Variants in ADCY7 observed in about 807,000 individuals in gnomAD.
The protein encoded by ADCY7 is adenylate cyclase 7, also known as adenylate cyclase type 7.
ADCY7 carries 72 observed loss-of-function variants against 120.6 expected under a neutral mutation model. The observed-to-expected ratio is 0.60, with a 90% confidence interval of 0.49 to 0.73. The LOEUF is 0.73. Ranked by LOEUF, ADCY7 falls within the 30% of genes least tolerant of loss-of-function variation. The pLI is 0.00. For synonymous variants in ADCY7, 661 were observed against 628.0 expected, an observed-to-expected ratio of 1.05 and a Z score of -0.78; for missense variants, 1,227 against 1,486.0, an observed-to-expected ratio of 0.83 and a Z score of 2.87.
intron 1 of ADCY7, among the ~76,000 whole-genome samples, chr16:50,252,979 T>G (rs1323650711): frequency 6.6e-6 from 1 of 152,200 alleles, no homozygotes; most frequent in Non-Finnish European, 1.5e-5. Context: ...GCATTACAAC[T>G]TTCTTTATTG....
chr16:50,262,818 GCAGAAAC>G (rs776789803), upstream of ADCY7, among the ~76,000 whole-genome samples: 74 of 152,366 alleles, frequency 4.9e-4, no homozygotes, highest in Admixed American at 2.1e-3. Context: ...CCTCTACCAA[GCAGAAAC>G]CAGCCTTCCC....
At chr16:50,277,244 C>T (rs2033953242) in intron 1 of ADCY7, among the ~76,000 whole-genome samples, 1 of 152,168 alleles carries the variant, frequency 6.6e-6, no homozygotes, top group South Asian at 2.1e-4. Flanking sequence ...TTTGTTATTA[C>T]AAATAATGCT....
At chr16:50,296,077 G>A (rs531901295) in intron 7 of ADCY7, among the ~76,000 whole-genome samples, 1 of 152,218 alleles carries the variant, frequency 6.6e-6, no homozygotes, top group African/African-American at 2.4e-5. Flanking sequence ...TTTTGAGACA[G>A]AGTCTTGCTC....
At chr16:50,304,012 G>A (rs142453663) in intron 10 of ADCY7, among the ~76,000 whole-genome samples, 1 of 152,028 alleles carries the variant, frequency 6.6e-6, no homozygotes, top group Non-Finnish European at 1.5e-5. Context: ...GTGGGGCCTC[G>A]GGCTTGGGAC....
intron 24 of ADCY7, 46 bp from the exon 25 acceptor site, chr16:50,314,968 T>G (rs745600267): frequency 2.5e-6 from 4 of 1,609,708 alleles, no homozygotes; most frequent in Middle Eastern, 1.7e-4. Flanking sequence ...GGCAGAAGCT[T>G]GAGGCTTTGC....
chr16:50,247,076 A>C lies in ADCY7; in HGVS notation c.-64+873A>C, dbSNP rs147121348. On this transcript the variant is annotated intron_variant, in intron 1 of 4. Transcript: ENST00000564044. ...GAATGAATGAATGAATGAATGAATG[A>C]ATGCATGACCAACAGGACTGTAGTG... Among the ~76,000 whole-genome samples, 378 of 152,286 alleles carry C rather than the reference A, an allele frequency of 2.5e-3. 1 individual carries two copies. Among genetic ancestry groups the C allele is most frequent in the African/African-American group, 8.5e-3 (355 of 41,526 alleles).
At chr16:50,281,925 C>A (rs559207017) in intron 1 of ADCY7, among the ~76,000 whole-genome samples, 6 of 152,336 alleles carry the variant, frequency 3.9e-5, no homozygotes, top group African/African-American at 1.4e-4. Context: ...TGAGACCCAG[C>A]CTACCAGGGG....
rs113025989 is a variant in ADCY7 at position 50,312,334 on chromosome 16, A to G, written c.2604+143A>G. 1.4e-3 allele frequency: 1,251 copies of G among 917,224 alleles called. 7 individuals carry two copies. The African/African-American group carries it at 0.018, about 13-fold the overall frequency. The allele number at this position is 917,224 out of a possible 1,614,324, so 56.8% of individuals were successfully genotyped here. ...CACCGGGATGCCCAGGCGACAATGT[A>G]TGGCATCAGCTGTGAGAGCATGGGC... On this transcript the variant is annotated intron_variant, in intron 21 of 25. Coordinates refer to ENST00000673801, the MANE Select transcript of ADCY7 (RefSeq NM_001114.5).
At chr16:50,306,841 A>G (rs1470424795) in intron 14 of ADCY7, among the ~76,000 whole-genome samples, 2 of 152,220 alleles carry the variant, frequency 1.3e-5, no homozygotes, top group Admixed American at 1.3e-4. Context: ...TATTTTAAAA[A>G]TAGAGATGGG....
intron 23 of ADCY7, 92 bp from the exon 24 acceptor site, chr16:50,314,200 G>T: frequency 7.0e-7 from 1 of 1,427,890 alleles, no homozygotes. Context: ...GGATTTTAGT[G>T]GTGGGGATCC....
intron 1 of ADCY7, among the ~76,000 whole-genome samples, chr16:50,281,391 G>A (rs1328668445): frequency 6.6e-6 from 1 of 152,132 alleles, no homozygotes; most frequent in African/African-American, 2.4e-5. Flanking sequence ...GGTAAGGCAG[G>A]TGCGGCAGGT....
At chr16:50,283,427 C>T (rs1410713498) in intron 1 of ADCY7, among the ~76,000 whole-genome samples, 7 of 152,240 alleles carry the variant, frequency 4.6e-5, no homozygotes, top group Admixed American at 2.0e-4. Flanking sequence ...CAAAAGAGAA[C>T]GCCTCTTTCC....
At chr16:50,311,635 A>T in intron 19 of ADCY7, 58 bp from the exon 20 acceptor site, 2 of 1,239,582 alleles carry the variant, frequency 1.6e-6, no homozygotes, top group Non-Finnish European at 2.4e-6. Context: ...GGAGAGCATG[A>T]CTCAGTGGGT....
rs2033053017 is a variant in ADCY7, at chr16:50,261,377, G to A, written c.-64+15174G>A. 2.0e-5 allele frequency among the ~76,000 whole-genome samples: 3 copies of A among 152,334 alleles called. No individual in the cohort carries two copies. The South Asian group carries it at 6.2e-4, about 32-fold the overall frequency. ...CTGAGCAAAGAAATGGAAGAGTCAG[G>A]CAGCTGGGTAGCAGGTGGAGGCAGA... On this transcript the variant is annotated intron_variant, in intron 1 of 4. Transcript: ENST00000564044.
rs145556715 is a variant in ADCY7 at position 50,254,638 on chromosome 16, T to C, written c.-64+8435T>C. Among the ~76,000 whole-genome samples the C allele has an allele frequency of 6.0e-4, 91 of 152,282 alleles. No individual in the cohort carries two copies. The East Asian group carries it at 0.014, about 24-fold the overall frequency. On this transcript the variant is annotated intron_variant, in intron 1 of 4. Transcript: ENST00000564044. ...AGAAATGGAACAAGATACAAATAGA[T>C]GGGATTTTATCCATGTTCATGGATT...
intron 1 of ADCY7, among the ~76,000 whole-genome samples, chr16:50,280,283 A>T (rs1459421432): frequency 6.7e-6 from 1 of 149,770 alleles, no homozygotes; most frequent in African/African-American, 2.5e-5. Flanking sequence ...CATTAGTAAC[A>T]TTCCTGTAGT....
chr16:50,305,687 G>A (rs1426676119), intron 13 of ADCY7, 90 bp from the exon 14 acceptor site: 2 of 1,501,790 alleles, frequency 1.3e-6, no homozygotes, highest in African/African-American at 2.8e-5. Context: ...TGGTGGCCCA[G>A]CCTTGTTCCT....
chr16:50,287,639 C>T (rs1272137890), intron 1 of ADCY7, among the ~76,000 whole-genome samples: 1 of 148,818 alleles, frequency 6.7e-6, no homozygotes, highest in African/African-American at 2.5e-5. Flanking sequence ...ATGATCGTGC[C>T]ACTGCACTCC....
At chr16:50,299,484 C>G (rs1193562916) in intron 8 of ADCY7, among the ~76,000 whole-genome samples, 1 of 152,242 alleles carries the variant, frequency 6.6e-6, no homozygotes, top group Non-Finnish European at 1.5e-5. Context: ...TCTAGGTCCC[C>G]TGTGGCTCTG....
Sources: gnomAD v4.1 joint callset for allele counts (sites outside exome capture counted in the v4.1 genomes callset) on GRCh38, gnomAD v4.1.1 for gene constraint, MANE v1.5 for transcripts, NCBI Gene and HGNC (gene_info 2026-07-23, HGNC 2026-07-21) for gene names.